The following SBF2 variants were observed in gnomAD, a reference collection of about 807,000 sequenced individuals.
SBF2 encodes SET binding factor 2.
Under a neutral mutation model 225.2 loss-of-function variants are expected in SBF2, and 112 were observed. That is an observed-to-expected ratio of 0.50 (90% confidence interval 0.43 to 0.58). SBF2 has a LOEUF of 0.58. Among genes scored for constraint, SBF2 ranks in the 20% least tolerant of loss-of-function variants. The pLI is 0.00. For missense variants in SBF2, 1,996 were observed against 2,206.2 expected, an observed-to-expected ratio of 0.90 and a Z score of 1.91; for synonymous variants, 763 against 773.3, an observed-to-expected ratio of 0.99 and a Z score of 0.22.
At chr11:9,960,439 T>G (rs1866489559) in intron 16 of SBF2, 1 of 152,172 alleles carries the variant, frequency 6.6e-6, no homozygotes, top group African/African-American at 2.4e-5. Flanking sequence ...GTGGAAATGA[T>G]TCTTGTGTGT....
intron 2 of SBF2, among the ~76,000 whole-genome samples, chr11:10,192,292 C>T (rs559487052): frequency 6.6e-6 from 1 of 152,122 alleles, no homozygotes; most frequent in Non-Finnish European, 1.5e-5. Context: ...AGATTTACCC[C>T]CTCTGTAGGC....
chr11:10,162,507 T>C (rs1955796369), intron 2 of SBF2, among the ~76,000 whole-genome samples: 1 of 152,162 alleles, frequency 6.6e-6, no homozygotes, highest in African/African-American at 2.4e-5. Context: ...ATAGCATTGG[T>C]TTCTCTTCCA....
intron 2 of SBF2, among the ~76,000 whole-genome samples, chr11:10,129,616 G>A (rs1343982848): frequency 6.6e-6 from 1 of 152,192 alleles, no homozygotes; most frequent in Non-Finnish European, 1.5e-5. Context: ...ACACAGACAT[G>A]AGAATTATTC....
At chr11:10,270,565 T>A (rs1962388466) in intron 1 of SBF2, among the ~76,000 whole-genome samples, 1 of 152,156 alleles carries the variant, frequency 6.6e-6, no homozygotes, top group Non-Finnish European at 1.5e-5. Flanking sequence ...TGTGTATAAG[T>A]GGACCAACGC....
intron 2 of SBF2, among the ~76,000 whole-genome samples, chr11:10,131,419 A>T (rs1027572938): frequency 2.0e-5 from 3 of 151,852 alleles, no homozygotes; most frequent in Non-Finnish European, 2.9e-5. Context: ...TGTTGTTTTT[A>T]AAAAAGATTG....
intron 1 of SBF2, among the ~76,000 whole-genome samples, chr11:10,218,566 CCAAGA>C (rs1384510871): frequency 1.3e-5 from 2 of 152,106 alleles, no homozygotes; most frequent in African/African-American, 2.4e-5. Context: ...GAAGTCTCAT[CCAAGA>C]CAAGACAAGT....
In SBF2 at chr11:9,828,444, G is replaced by T. The variant is rs1045426734; in HGVS notation, c.3793+912C>A. The T allele has an allele frequency of 3.0e-5, 30 of 985,262 alleles. No homozygotes were observed. The African/African-American group carries it at 4.9e-4, about 16-fold the overall frequency. 61.0% of individuals were successfully genotyped at this position (985,262 alleles called of 1,614,324 possible). A position where few individuals can be genotyped will look rare whatever the true frequency, so the allele number is the denominator to read the frequency against. On this transcript the variant is annotated intron_variant, in intron 28 of 39. Coordinates refer to ENST00000256190, the MANE Select transcript of SBF2 (RefSeq NM_030962.4). ...GTTAGGTTTGGCAAGTGCAATCAGA[G>T]AATTTAATGATAAATGGAGCAAGGC...
intron 1 of SBF2, among the ~76,000 whole-genome samples, chr11:10,258,633 T>C (rs1240927612): frequency 1.3e-5 from 2 of 152,212 alleles, no homozygotes; most frequent in Non-Finnish European, 2.9e-5. Flanking sequence ...TGCTCATCCA[T>C]ACACCACTTC....
At chr11:10,207,182 G>A (rs1246499595) in intron 1 of SBF2, among the ~76,000 whole-genome samples, 4 of 151,990 alleles carry the variant, frequency 2.6e-5, no homozygotes, top group Non-Finnish European at 5.9e-5. Context: ...GAAGAAAGCA[G>A]CACAACATTT....
chr11:10,266,242 G>A (rs1961974729), intron 1 of SBF2, among the ~76,000 whole-genome samples: 1 of 152,162 alleles, frequency 6.6e-6, no homozygotes, highest in Non-Finnish European at 1.5e-5. Flanking sequence ...AGAACTTAAT[G>A]CTACTTGTGA....
At chr11:10,103,538 A>G (rs1359404728) in intron 2 of SBF2, among the ~76,000 whole-genome samples, 1 of 152,184 alleles carries the variant, frequency 6.6e-6, no homozygotes, top group African/African-American at 2.4e-5. Context: ...TTCCTTGTCA[A>G]TTTTGTCTTT....
At chr11:10,040,904 T>C (rs1378476828) in intron 3 of SBF2, among the ~76,000 whole-genome samples, 2 of 152,096 alleles carry the variant, frequency 1.3e-5, no homozygotes, top group Non-Finnish European at 2.9e-5. Context: ...TTGCAACTTT[T>C]CTGTAAGTTT....
intron 16 of SBF2, among the ~76,000 whole-genome samples, chr11:9,903,281 C>T (rs1384798184): frequency 1.3e-5 from 2 of 151,532 alleles, no homozygotes; most frequent in Admixed American, 6.6e-5. Flanking sequence ...AAGATCGTGC[C>T]ACTGCACACC....
intron 16 of SBF2, chr11:9,960,016 T>G (rs1034179642): frequency 7.0e-6 from 2 of 285,634 alleles, no homozygotes; most frequent in East Asian, 1.8e-4. Flanking sequence ...GATGGGGTCT[T>G]GATAAGTTGT....
intron 2 of SBF2, among the ~76,000 whole-genome samples, chr11:10,089,611 A>T (rs1951703212): frequency 6.6e-6 from 1 of 152,170 alleles, no homozygotes; most frequent in Non-Finnish European, 1.5e-5. Context: ...TATTGTATGT[A>T]TACAGGGTAG....
intron 2 of SBF2, among the ~76,000 whole-genome samples, chr11:10,157,881 A>G (rs1955548343): frequency 6.6e-6 from 1 of 152,188 alleles, no homozygotes; most frequent in Non-Finnish European, 1.5e-5. Flanking sequence ...CCAACAACAG[A>G]AGGATAAACA....
At chr11:9,883,124 A>C (rs555305940) in intron 17 of SBF2, among the ~76,000 whole-genome samples, 1 of 151,994 alleles carries the variant, frequency 6.6e-6, no homozygotes, top group Non-Finnish European at 1.5e-5. Context: ...ACAGAGCGAG[A>C]CTCTGTCTCA....
At chr11:10,297,310 T>G (rs1964557750), upstream of SBF2, among the ~76,000 whole-genome samples, 3 of 152,112 alleles carry the variant, frequency 2.0e-5, no homozygotes, top group Non-Finnish European at 4.4e-5. Context: ...TCCTCCCACC[T>G]AGCCCTCCCA....
chr11:9,788,967 G>T, intron 35 of SBF2, 142 bp downstream of exon 35: 1 of 720,128 alleles, frequency 1.4e-6, no homozygotes, highest in South Asian at 1.6e-5. Flanking sequence ...CTGATGATGG[G>T]GAGCAAATCT....
Sources: gnomAD v4.1 joint callset for allele counts (sites outside exome capture counted in the v4.1 genomes callset) on GRCh38, gnomAD v4.1.1 for gene constraint, MANE v1.5 for transcripts, NCBI Gene and HGNC (gene_info 2026-07-23, HGNC 2026-07-21) for gene names.